Variants in MIA observed in about 807,000 individuals in gnomAD.
The protein encoded by MIA is melanoma-derived growth regulatory protein.
MIA carries 18 observed loss-of-function variants against 18.5 expected under a neutral mutation model. The observed-to-expected ratio is 0.97, with a 90% CI of 0.67 to 1.44. The LOEUF is 1.44. Ranked by LOEUF, MIA falls within the 40% of genes most tolerant of loss-of-function variation. The pLI is 0.00. For missense variants in MIA, 158 were observed against 172.4 expected (o/e 0.92, Z 0.47); for synonymous variants, 55 against 64.9 (o/e 0.85, Z 0.74).
In MIA at chr19:40,777,010, C is replaced by T. The variant is rs1334471657; in HGVS notation, c.303C>T (p.Gly101=). The part of the protein sequence containing the change: ...DYYGDLAARL[G]YFPSSIVRED... ...ATGGAGATCTGGCTGCTCGCCTGGG[C>T]TATTTCCCCAGTAGCATTGTCCGAG... The change falls in exon 3 of 4, where the codon GGC becomes GGT. Residue 101 remains glycine, a synonymous_variant. Coordinates refer to ENST00000263369, the MANE Select transcript of MIA (RefSeq NM_006533.4). 2 of 1,613,868 alleles carry T rather than the reference C, an allele frequency of 1.2e-6. No homozygotes were observed. Among genetic ancestry groups the T allele is most frequent in the Admixed American group, 1.7e-5 (1 of 59,994 alleles).
In MIA at chr19:40,775,649, G is replaced by A. The variant is rs375928719; in HGVS notation, c.107G>A (p.Cys36Tyr). Residue 36 changes from cysteine to tyrosine, a missense_variant, in exon 1 of 4, where the codon TGT (cysteine) becomes TAT (tyrosine). Cys to Tyr is a radical substitution (Grantham distance 194). Transcript: ENST00000263369. ...CCCAAGCTGGCTGACCGGAAGCTGT[G>A]TGCGGACCAGGAGTGCAGCCGTAAG... ...PMPKLADRKL[C>Y]ADQECSHPIS... 4.0e-5 allele frequency: 64 copies of A among 1,614,058 alleles called. No individual in the cohort carries two copies. Among genetic ancestry groups the A allele is most frequent in the Non-Finnish European group, 5.3e-5 (63 of 1,180,050 alleles).
At chr19:40,775,440 A>T, upstream of MIA, 2 of 1,568,662 alleles carry the variant, frequency 1.3e-6, no homozygotes, top group Non-Finnish European at 1.7e-6. Flanking sequence ...TAGGGCGGGG[A>T]CAAGACCAAG....
Position 40,775,832 on chromosome 19 carries a change from G to A in MIA, c.208G>A (p.Val70Met). The A allele has an allele frequency of 6.2e-7, 1 of 1,614,080 alleles. No homozygotes were observed. Among genetic ancestry groups the A allele is most frequent in the East Asian group, 2.2e-5 (1 of 44,866 alleles). ...RFLTIHRGQV[V>M]YVFSKLKGRG... ...CCTGACCATTCACCGGGGCCAAGTG[G>A]TGTATGTCTTCTCCAAGCTGAAGGG... Residue 70 changes from valine (V) to methionine (M), a missense_variant, in exon 2 of 4, where the codon GTG (valine) becomes ATG (methionine). Transcript: ENST00000263369.
intron 2 of MIA, 64 bp from the exon 3 acceptor site, chr19:40,776,905 A>T: frequency 2.7e-6 from 3 of 1,094,384 alleles, no homozygotes; most frequent in Non-Finnish European, 4.1e-6. Flanking sequence ...GAGAATGCAA[A>T]GGCCTTCAGC....
In MIA at chr19:40,777,067, T is replaced by C. The variant is rs762792689; in HGVS notation, c.360T>C (p.Asp120=). ...EDQTLKPGKV[D]VKTDKWDFYC... is the part of the protein sequence containing the mutation. ...AGACCCTGAAACCTGGCAAAGTCGA[T>C]GTGAAGACAGACGTGAGTGTCATGG... The change falls in exon 3 of 4, where the codon GAT becomes GAC. Residue 120 remains aspartate, a synonymous_variant. Transcript: ENST00000263369. 14 of 1,612,380 alleles carry C rather than the reference T, an allele frequency of 8.7e-6. No individual in the cohort carries two copies. The highest frequency in any genetic ancestry group is 1.2e-5 in the Non-Finnish European group (14 of 1,179,542).
chr19:40,775,891 T>C lies in MIA; in HGVS notation c.261+6T>C. On this transcript the variant is annotated splice_donor_region_variant and intron_variant, in intron 2 of 3. Coordinates refer to ENST00000263369, the MANE Select transcript of MIA (RefSeq NM_006533.4). ...GGCTCTTCTGGGGAGGCAGCGTGAG[T>C]CTTGGGAGAGTGAAAGAGGGAAGGG... 6.2e-7 allele frequency: 1 copy of C among 1,613,110 alleles called. No homozygotes were observed. Among genetic ancestry groups the C allele is most frequent in the South Asian group, 1.1e-5 (1 of 91,036 alleles).
intron 2 of MIA, 62 bp downstream of exon 2, chr19:40,775,947 T>C: frequency 6.4e-7 from 1 of 1,570,326 alleles, no homozygotes; most frequent in Non-Finnish European, 8.7e-7. Context: ...ATTATCCCCA[T>C]GAAGGGAAGA....
At chr19:40,775,512 C>T (rs1396971626), upstream of MIA, 1 of 1,613,376 alleles carries the variant, frequency 6.2e-7, no homozygotes, top group East Asian at 2.2e-5. Context: ...CCCCAGCACC[C>T]CCTTGCTCAC....
upstream of MIA, chr19:40,775,403 T>G (rs1312583955): frequency 3.1e-6 from 4 of 1,285,926 alleles, no homozygotes; most frequent in Admixed American, 7.8e-5. Flanking sequence ...AACTTCTAGG[T>G]GGTGTGGGCG....
intron 3 of MIA, among the ~76,000 whole-genome samples, 154 bp downstream of exon 3, chr19:40,777,233 G>C (rs1188795880): frequency 6.6e-6 from 1 of 152,172 alleles, no homozygotes; most frequent in Non-Finnish European, 1.5e-5. Context: ...CAGTAAAATG[G>C]GTCCAGTTGG....
upstream of MIA, chr19:40,775,371 G>A: frequency 9.7e-7 from 1 of 1,034,406 alleles, no homozygotes; most frequent in Non-Finnish European, 1.4e-6. Flanking sequence ...CCCTATCCTT[G>A]AAATGGTTCT....
intron 2 of MIA, 185 bp from the exon 3 acceptor site, chr19:40,776,784 G>T: frequency 1.8e-6 from 1 of 543,140 alleles, no homozygotes; most frequent in Non-Finnish European, 3.3e-6. Context: ...GCTGCTGTGA[G>T]AATTAACAGA....
Position 40,777,377 on chromosome 19 carries a change from T to C in MIA, c.373-20T>C. On this transcript the variant is annotated intron_variant, in intron 3 of 3. Transcript: ENST00000263369. ...TGACCGCTGGTTTTCTTTCCACTGT[T>C]TCCCCTTTCTCTTTTTCAGAAATGG... The C allele has an allele frequency of 6.2e-7, 1 of 1,613,800 alleles. No homozygotes were observed. Among genetic ancestry groups the C allele is most frequent in the Non-Finnish European group, 8.5e-7 (1 of 1,179,824 alleles).
chr19:40,776,475 G>A (rs2082997528), intron 2 of MIA, among the ~76,000 whole-genome samples: 1 of 152,114 alleles, frequency 6.6e-6, no homozygotes, highest in South Asian at 2.1e-4. Context: ...GCCGGGCACA[G>A]TAGCTCACAC....
chr19:40,776,820 CCT>C, intron 2 of MIA, 147 bp from the exon 3 acceptor site: 2 of 592,968 alleles, frequency 3.4e-6, no homozygotes, highest in Non-Finnish European at 6.0e-6. Context: ...TCAGAAAGGG[CCT>C]CTGAACAGGT....
intron 2 of MIA, 45 bp downstream of exon 2, chr19:40,775,930 T>C (rs762959009): frequency 3.7e-6 from 6 of 1,600,704 alleles, no homozygotes; most frequent in Non-Finnish European, 5.1e-6. Flanking sequence ...AGAGCTGGGG[T>C]AGACTCATTA....
chr19:40,777,313 G>C, intron 3 of MIA, 84 bp from the exon 4 acceptor site: 3 of 1,526,246 alleles, frequency 2.0e-6, no homozygotes, highest in Non-Finnish European at 2.7e-6. Context: ...GGGCCCTGCA[G>C]CTGCAGCCTT....
upstream of MIA, chr19:40,775,357 TTTACCC>T (rs2145027431): frequency 1.1e-6 from 1 of 930,974 alleles, no homozygotes; most frequent in African/African-American, 1.7e-5. Context: ...GCTTACAGCC[TTTACCC>T]TATCCTTGAA....
In MIA at chr19:40,777,080, G is replaced by GT; in HGVS notation, c.372+2dup. On this transcript the variant is annotated splice_donor_variant, in intron 3 of 3. Transcript: ENST00000263369. LOFTEE classifies it high-confidence loss of function. ...TGGCAAAGTCGATGTGAAGACAGACGTGAGTGTCATGGGGGCTGGCAAGAA... is the reference window on the plus strand; with the variant it reads ...TGGCAAAGTCGATGTGAAGACAGACGTTGAGTGTCATGGGGGCTGGCAAGAA... 5.0e-6 allele frequency: 8 copies of GT among 1,610,296 alleles called. No individual in the cohort carries two copies. The highest frequency in any genetic ancestry group is 6.8e-6 in the Non-Finnish European group (8 of 1,178,064).
Sources: gnomAD v4.1 joint callset for allele counts (sites outside exome capture counted in the v4.1 genomes callset) on GRCh38, gnomAD v4.1.1 for gene constraint, MANE v1.5 for transcripts, NCBI Gene and HGNC (gene_info 2026-07-23, HGNC 2026-07-21) for gene names.